The following MYOM2 variants were observed in gnomAD, a reference collection of about 807,000 sequenced individuals.
MYOM2 encodes myomesin-2.
Under a neutral mutation model 187.6 loss-of-function variants are expected in MYOM2, and 254 were observed. That is an observed-to-expected ratio of 1.35 (90% CI 1.22 to 1.50). The LOEUF is 1.50. Ranked by LOEUF, MYOM2 falls within the 40% of genes most tolerant of loss-of-function variation. MYOM2 has a pLI of 0.00. For missense variants in MYOM2, 2,796 were observed against 1,924.0 expected (o/e 1.45, Z -8.48); for synonymous variants, 981 against 753.8 (o/e 1.30, Z -4.94).
At chr8:2,117,097 T>C (rs1269356450) in intron 27 of MYOM2, among the ~76,000 whole-genome samples, 1 of 152,204 alleles carries the variant, frequency 6.6e-6, no homozygotes. Context: ...ATTTCTGAAC[T>C]TCTTGAGAAA....
chr8:2,075,776 C>G (rs189032382), intron 10 of MYOM2, among the ~76,000 whole-genome samples: 4 of 152,308 alleles, frequency 2.6e-5, no homozygotes, highest in African/African-American at 9.6e-5. Flanking sequence ...GGTGATATTT[C>G]TCAGGTGTTA....
At chr8:2,051,227 G>T (rs1032697045) in intron 2 of MYOM2, among the ~76,000 whole-genome samples, 2 of 152,248 alleles carry the variant, frequency 1.3e-5, no homozygotes. Context: ...GGGAAAGGCT[G>T]TCGGTAGGAG....
At chr8:2,063,158 C>T (rs186931004) in intron 6 of MYOM2, among the ~76,000 whole-genome samples, 218 of 152,256 alleles carry the variant, frequency 1.4e-3, no homozygotes, top group African/African-American at 5.0e-3. Flanking sequence ...TAATATTCTT[C>T]GGGAAAAGAG....
intron 31 of MYOM2, 141 bp from the exon 32 acceptor site, chr8:2,128,986 T>A (rs1797754503): frequency 8.7e-6 from 5 of 575,860 alleles, no homozygotes; most frequent in Non-Finnish European, 1.6e-5. Context: ...TATAAGAATT[T>A]GTGGCTGGCC....
chr8:2,111,289 TG>T, intron 25 of MYOM2, among the ~76,000 whole-genome samples: 1 of 152,244 alleles, frequency 6.6e-6, no homozygotes, highest in East Asian at 1.9e-4. Context: ...TATAAAAGTC[TG>T]TATTTATGGC....
At position 2,053,709 on chromosome 8, in the gene MYOM2, C is replaced by T. The variant is rs570105301; in HGVS notation, c.263+1396C>T. Among the ~76,000 whole-genome samples, 13 of 152,308 alleles carry T rather than the reference C, an allele frequency of 8.5e-5. 1 individual carries two copies. The South Asian group carries it at 1.5e-3, about 17-fold the overall frequency. ...GACTGGTGAAGGGGTTATGTTCTCA[C>T]GGCACCTCTGATCCTCACGTTAAAT... is the stretch of plus-strand genomic sequence containing the variant. On this transcript the variant is annotated intron_variant, in intron 3 of 36. Transcript: ENST00000262113.
At chr8:2,101,750 C>T (rs138940813) in intron 20 of MYOM2, among the ~76,000 whole-genome samples, 5 of 152,182 alleles carry the variant, frequency 3.3e-5, no homozygotes, top group Admixed American at 1.3e-4. Context: ...TTCCACTTCA[C>T]GCCGGGCATT....
intron 17 of MYOM2, 89 bp from the exon 18 acceptor site, chr8:2,096,158 C>T (rs1796475134): frequency 2.2e-6 from 3 of 1,336,912 alleles, no homozygotes; most frequent in Non-Finnish European, 1.0e-6. Context: ...GTTGCTTCCT[C>T]CTCCCTCTGC....
chr8:2,109,322 C>G, intron 24 of MYOM2, 73 bp from the exon 25 acceptor site: 1 of 1,448,802 alleles, frequency 6.9e-7, no homozygotes, highest in African/African-American at 1.4e-5. Context: ...TTGATATTTC[C>G]CTACAATTTG....
chr8:2,095,835 G>A (rs535347700), intron 17 of MYOM2, among the ~76,000 whole-genome samples: 7 of 152,246 alleles, frequency 4.6e-5, no homozygotes, highest in East Asian at 3.9e-4. Context: ...AACTGGAATC[G>A]TATCTGTCAT....
At chr8:2,072,299 T>C in intron 8 of MYOM2, 46 bp from the exon 9 acceptor site, 2 of 1,528,996 alleles carry the variant, frequency 1.3e-6, no homozygotes, top group Non-Finnish European at 1.8e-6. Flanking sequence ...CATCGTTTCA[T>C]GCTCTCTGCC....
At chr8:2,079,893 G>T (rs1187554173) in intron 13 of MYOM2, among the ~76,000 whole-genome samples, 1 of 152,234 alleles carries the variant, frequency 6.6e-6, no homozygotes, top group African/African-American at 2.4e-5. Flanking sequence ...TCAGGGACTT[G>T]TAGAGAAGAA....
At position 2,057,784 on chromosome 8, in the gene MYOM2, AG is replaced by A. The variant is rs1818720937; in HGVS notation, c.560+8del. 1 of 1,613,418 alleles carries A rather than the reference AG, an allele frequency of 6.2e-7. No homozygotes were observed. Among genetic ancestry groups the A allele is most frequent in the Non-Finnish European group, 8.5e-7 (1 of 1,179,644 alleles). ...TTCCCACGCCCGTGGTGCAGTGGTG[AG>A]GGGCTCTGTTCCCAGGGGGTGAAGA... is the stretch of plus-strand genomic sequence containing the variant. On this transcript the variant is annotated splice_donor_5th_base_variant and intron_variant, in intron 5 of 36. Transcript: ENST00000262113.
chr8:2,106,926 G>T (rs908570825), intron 23 of MYOM2, among the ~76,000 whole-genome samples: 1 of 152,126 alleles, frequency 6.6e-6, no homozygotes, highest in East Asian at 1.9e-4. Flanking sequence ...ATTAATGAGA[G>T]ACCTACGGGT....
At chr8:2,132,941 G>A (rs1054336210) in intron 32 of MYOM2, among the ~76,000 whole-genome samples, 24 of 152,254 alleles carry the variant, frequency 1.6e-4, no homozygotes, top group South Asian at 8.3e-4. Flanking sequence ...GGGAGGGGCA[G>A]TGGCTGGCCA....
Position 2,129,140 on chromosome 8 carries a change from G to T in MYOM2, c.3708G>T (p.Ser1236=), listed in dbSNP as rs201090178. Residue 1236 remains serine, a synonymous_variant, in exon 32 of 37, where the codon TCG becomes TCT. Coordinates refer to ENST00000262113, the MANE Select transcript of MYOM2 (RefSeq NM_003970.4). ...TATTTTCTGCAGGGAAATCTGCTTC[G>T]CCACTGAAGGTACTCTGCACCCCAG... ...AMSRVCGKSA[S]PLKVLCTPEG... is the part of the protein sequence containing the mutation. 30 of 1,603,298 alleles carry T rather than the reference G, an allele frequency of 1.9e-5. No individual in the cohort carries two copies. The highest frequency in any genetic ancestry group is 2.6e-5 in the Non-Finnish European group (30 of 1,171,104).
Position 2,102,750 on chromosome 8 carries a change from G to T in MYOM2, c.2703G>T (p.Thr901=). 1.2e-6 allele frequency: 2 copies of T among 1,613,968 alleles called. No individual in the cohort carries two copies. The highest frequency in any genetic ancestry group is 1.1e-5 in the South Asian group (1 of 91,072). The stretch of plus-strand genomic sequence containing the variant: ...ATGGCGTGGGGAAGCCCTCAGACAC[G>T]TCGGAGCCTGTGCTGGTAGAGGCGA... ...NANGVGKPSD[T]SEPVLVEARP... Residue 901 remains threonine, a synonymous_variant, in exon 21 of 37, where the codon ACG becomes ACT. Transcript: ENST00000262113.
intron 10 of MYOM2, among the ~76,000 whole-genome samples, chr8:2,075,037 T>G (rs975590372): frequency 1.3e-4 from 20 of 152,250 alleles, no homozygotes; most frequent in Admixed American, 9.2e-4. Flanking sequence ...TCCATACATC[T>G]TCATGATTAC....
rs758716292 is a variant in MYOM2, at chr8:2,073,504, CG to C, written c.1120+7del. The C allele has an allele frequency of 6.3e-7, 1 of 1,595,620 alleles. No individual in the cohort carries two copies. On this transcript the variant is annotated splice_donor_5th_base_variant and intron_variant, in intron 10 of 36. Coordinates refer to ENST00000262113, the MANE Select transcript of MYOM2 (RefSeq NM_003970.4). ...AGCGCCTTCCTGTTTGTCAGAGGTG[CG>C]GGCAGCAGGGTTCTCAGGGTGCAGA... is the stretch of plus-strand genomic sequence containing the variant.
Sources: allele counts gnomAD v4.1 joint callset (sites outside exome capture counted in the v4.1 genomes callset), GRCh38; gene constraint gnomAD v4.1.1; transcripts MANE v1.5; gene names NCBI Gene and HGNC (gene_info 2026-07-23, HGNC 2026-07-21).